CACNA1A: variants seen among roughly 807,000 people sequenced by gnomAD.
CACNA1A encodes the protein calcium voltage-gated channel subunit alpha1 A, also known as voltage-dependent P/Q-type calcium channel subunit alpha-1A.
CACNA1A carries 57 observed loss-of-function variants against 262.4 expected under a neutral mutation model. That is an observed-to-expected ratio of 0.22 (90% CI 0.18 to 0.27). CACNA1A has a LOEUF of 0.27. Among genes scored for constraint, CACNA1A ranks in the 10% least tolerant of loss-of-function variants. The pLI, the probability that CACNA1A is intolerant of heterozygous loss-of-function variation, is 1.00. For missense variants in CACNA1A, 2,526 were observed against 3,562.8 expected (o/e 0.71, Z 7.41); for synonymous variants, 1,431 against 1,419.3 (o/e 1.01, Z -0.18).
At chr19:13,368,813 C>T (rs964562847) in intron 4 of CACNA1A, among the ~76,000 whole-genome samples, 1 of 129,266 alleles carries the variant, frequency 7.7e-6, no homozygotes, top group Non-Finnish European at 1.5e-5. Context: ...CCGAGGCGGG[C>T]GGATCACGAG....
chr19:13,467,174 G>A (rs535328371), intron 1 of CACNA1A, among the ~76,000 whole-genome samples: 1 of 152,246 alleles, frequency 6.6e-6, no homozygotes, highest in South Asian at 2.1e-4. Context: ...AGACAAACAC[G>A]AAATTGCTAG....
chr19:13,464,656 C>G (rs2061191873), intron 1 of CACNA1A, among the ~76,000 whole-genome samples: 1 of 151,310 alleles, frequency 6.6e-6, no homozygotes, highest in Non-Finnish European at 1.5e-5. Flanking sequence ...TCACGCCATT[C>G]TCCTGCCTCA....
rs1475802285 is a variant in CACNA1A at position 13,338,908 on chromosome 19, G to A, written c.979-2999C>T. On this transcript the variant is annotated intron_variant, in intron 6 of 46. Coordinates refer to ENST00000360228, the MANE Select transcript of CACNA1A (RefSeq NM_001127222.2). ...TGAGACGGAGTCTTACTCTGTTGCCGAGGCTGGAGTGCAGTGGCATGATCT... is the reference window on the plus strand; with the variant it reads ...TGAGACGGAGTCTTACTCTGTTGCCAAGGCTGGAGTGCAGTGGCATGATCT... Among the ~76,000 whole-genome samples, 7 of 151,948 alleles carry A rather than the reference G, an allele frequency of 4.6e-5. No homozygotes were observed. In the South Asian group the frequency reaches 6.2e-4, roughly 14 times the overall value.
chr19:13,301,300 C>A (rs1341203518), intron 17 of CACNA1A, among the ~76,000 whole-genome samples: 1 of 152,130 alleles, frequency 6.6e-6, no homozygotes, highest in African/African-American at 2.4e-5. Context: ...CAAAGATTTT[C>A]CTCTCACTAG....
rs1315831411 is a variant in CACNA1A at position 13,224,694 on chromosome 19, T to C, written c.5704A>G (p.Thr1902Ala). Residue 1902 changes from threonine to alanine, a missense_variant, in exon 38 of 47, where the codon ACA becomes GCA. Thr to Ala is a moderately conservative substitution (Grantham distance 58). This residue lies in a region of CACNA1A where 112 missense variants were observed against 197.2 expected (regional missense o/e 0.57). Transcript: ENST00000360228. ...TTGGCAATCTTGATGTCCAGGGCTG[T>C]GCGGATCAGAGCCATGAGGGTGGAA... ...FNSTLMALIR[T>A]ALDIKIAKGG... 1 of 1,612,638 alleles carries C rather than the reference T, an allele frequency of 6.2e-7. No individual in the cohort carries two copies. The highest frequency in any genetic ancestry group is 1.7e-5 in the Admixed American group (1 of 59,822).
At chr19:13,392,610 G>C (rs2059729328) in intron 3 of CACNA1A, among the ~76,000 whole-genome samples, 1 of 152,214 alleles carries the variant, frequency 6.6e-6, no homozygotes, top group East Asian at 1.9e-4. Flanking sequence ...ATTCACAGGT[G>C]GTGGGAGTTT....
intron 24 of CACNA1A, chr19:13,274,323 C>T (rs1358325681): frequency 2.0e-5 from 3 of 152,162 alleles, no homozygotes; most frequent in African/African-American, 7.2e-5. Flanking sequence ...ACTTAACAGC[C>T]CTTCTACTGG....
chr19:13,221,222 C>CTTTTCTTT (rs370731735), intron 38 of CACNA1A, among the ~76,000 whole-genome samples: 2 of 38,018 alleles, frequency 5.3e-5, no homozygotes, highest in African/African-American at 2.9e-4. Flanking sequence ...TTTTTCTTTT[C>CTTTTCTTT]TTTCTTTCTT....
chr19:13,472,619 C>T (rs1020470037), intron 1 of CACNA1A, among the ~76,000 whole-genome samples: 3 of 152,192 alleles, frequency 2.0e-5, no homozygotes, highest in Non-Finnish European at 4.4e-5. Context: ...GCCTGGGATT[C>T]TCTTCCTCCC....
At chr19:13,267,602 G>A (rs1435932315) in intron 24 of CACNA1A, among the ~76,000 whole-genome samples, 1 of 152,054 alleles carries the variant, frequency 6.6e-6, no homozygotes, top group Non-Finnish European at 1.5e-5. Context: ...GAAGTTGAGG[G>A]GACCTGGGTT....
chr19:13,259,862 C>T, intron 26 of CACNA1A, 161 bp from the exon 27 acceptor site: 1 of 681,096 alleles, frequency 1.5e-6, no homozygotes, highest in Admixed American at 2.4e-5. Context: ...TGTTCCTGTG[C>T]TTCATAGGGG....
At chr19:13,316,883 T>G in intron 11 of CACNA1A, 6 of 414,250 alleles carry the variant, frequency 1.4e-5, no homozygotes, top group Non-Finnish European at 1.7e-5. Context: ...CACAGGAGCA[T>G]TTGTTGGTCT....
intron 6 of CACNA1A, among the ~76,000 whole-genome samples, chr19:13,349,138 G>A (rs922259700): frequency 6.6e-6 from 1 of 152,062 alleles, no homozygotes; most frequent in East Asian, 1.9e-4. Flanking sequence ...CTCTTGGCTA[G>A]GGGACCTTGG....
chr19:13,250,391 T>C (rs1392789359), intron 30 of CACNA1A, among the ~76,000 whole-genome samples: 3 of 150,572 alleles, frequency 2.0e-5, no homozygotes, highest in Non-Finnish European at 4.4e-5. Context: ...TTTAATTTAA[T>C]TTAATTTAAT....
In CACNA1A at chr19:13,241,424, C is replaced by T. The variant is rs1310812703; in HGVS notation, c.4950+3758G>A. On this transcript the variant is annotated intron_variant, in intron 31 of 46. Transcript: ENST00000360228. This position sits in a 1 kb window ranked among gnomAD's most constrained non-coding sequence, Gnocchi z 4.0. ...GTTGAGGAGAGCGTCAGGCATCCCA[C>T]GTTGGAGAGGCAGGGTGTGGCATGC... 1.3e-5 allele frequency: 11 copies of T among 815,602 alleles called. No homozygotes were observed. In the Admixed American group the frequency reaches 2.0e-4, roughly 15 times the overall value. 50.5% of individuals were successfully genotyped at this position (815,602 alleles called of 1,614,324 possible).
At chr19:13,231,405 G>A (rs2055662457) in intron 35 of CACNA1A, among the ~76,000 whole-genome samples, 1 of 152,082 alleles carries the variant, frequency 6.6e-6, no homozygotes, top group African/African-American at 2.4e-5. Flanking sequence ...AATGTCCGGA[G>A]ACATTTTTGG....
intron 37 of CACNA1A, chr19:13,226,982 C>G (rs2055477268): frequency 6.6e-6 from 1 of 152,658 alleles, no homozygotes; most frequent in Admixed American, 6.5e-5. Context: ...GACCCGGGAC[C>G]TCGCCTGCTT....
At chr19:13,261,794 A>C in intron 25 of CACNA1A, 184 bp from the exon 26 acceptor site, 1 of 580,460 alleles carries the variant, frequency 1.7e-6, no homozygotes, top group Non-Finnish European at 3.0e-6. Flanking sequence ...AGTTGGACTC[A>C]ATCCTGGCAT....
chr19:13,314,181 T>C (rs1209286650), intron 11 of CACNA1A, among the ~76,000 whole-genome samples: 2 of 152,132 alleles, frequency 1.3e-5, no homozygotes, highest in African/African-American at 4.8e-5. Context: ...GCGTGGGTAC[T>C]TAATGGATAG....
Sources: gnomAD v4.1 joint callset for allele counts (sites outside exome capture counted in the v4.1 genomes callset) on GRCh38, gnomAD v4.1.1 for gene constraint, gnomAD v4.1.1 regional missense constraint, Gnocchi (gnomAD v3.1) non-coding constraint, MANE v1.5 for transcripts, NCBI Gene and HGNC (gene_info 2026-07-23, HGNC 2026-07-21) for gene names.